Variants in SLC2A2 observed in about 807,000 individuals in gnomAD.
SLC2A2 encodes solute carrier family 2, facilitated glucose transporter member 2.
Under a neutral mutation model 54.5 loss-of-function variants are expected in SLC2A2, and 36 were observed. The ratio of observed to expected loss-of-function variants is 0.66; its 90% CI spans 0.51 to 0.87. The LOEUF (loss-of-function observed/expected upper bound fraction) is 0.87. Ranked by LOEUF, SLC2A2 falls within the 40% of genes least tolerant of loss-of-function variation. The pLI, the probability that SLC2A2 is intolerant of heterozygous loss-of-function variation, is 0.00. For missense variants in SLC2A2, 543 were observed against 624.3 expected (o/e 0.87, Z 1.39); for synonymous variants, 223 against 219.1 (o/e 1.02, Z -0.16).
chr3:171,012,169 T>C (rs550291450), intron 3 of SLC2A2, among the ~76,000 whole-genome samples: 1 of 152,332 alleles, frequency 6.6e-6, no homozygotes, highest in Admixed American at 6.5e-5. Context: ...GTTTGCTTAA[T>C]AAATGTCAGG....
intron 2 of SLC2A2, among the ~76,000 whole-genome samples, chr3:171,016,329 G>A (rs1560040704): frequency 6.6e-6 from 1 of 152,136 alleles, no homozygotes; most frequent in Non-Finnish European, 1.5e-5. Context: ...TCAGCTACTT[G>A]GGAGGCTGAG....
At chr3:171,019,235 A>G (rs1019444082) in intron 1 of SLC2A2, among the ~76,000 whole-genome samples, 2 of 151,014 alleles carry the variant, frequency 1.3e-5, no homozygotes, top group African/African-American at 4.9e-5. Flanking sequence ...TAGAGCCATT[A>G]TATCATTGGG....
chr3:170,998,652 C>T (rs1715207558), intron 9 of SLC2A2, among the ~76,000 whole-genome samples: 1 of 152,166 alleles, frequency 6.6e-6, no homozygotes, highest in Admixed American at 6.5e-5. Context: ...GTGACCTTTG[C>T]TTCTGCTCAT....
At chr3:171,000,794 GTGCATATTTCTATT>G (rs1220229598) in intron 8 of SLC2A2, among the ~76,000 whole-genome samples, 1 of 152,076 alleles carries the variant, frequency 6.6e-6, no homozygotes, top group Non-Finnish European at 1.5e-5. Flanking sequence ...AATATATTCA[GTGCATATTTCTATT>G]TGCATATTTT....
intron 6 of SLC2A2, 37 bp from the exon 7 acceptor site, chr3:171,005,509 C>T (rs2108243608): frequency 6.5e-7 from 1 of 1,549,456 alleles, no homozygotes; most frequent in Non-Finnish European, 8.9e-7. Context: ...ACAACTCAGG[C>T]CAAAACAAAA....
At chr3:171,020,703 C>G (rs1048190709) in intron 1 of SLC2A2, among the ~76,000 whole-genome samples, 11 of 151,752 alleles carry the variant, frequency 7.2e-5, no homozygotes, top group African/African-American at 2.7e-4. Flanking sequence ...GGTAGCATAG[C>G]AAGACCTTGT....
At chr3:171,024,248 T>C (rs559770985) in intron 1 of SLC2A2, among the ~76,000 whole-genome samples, 8 of 152,346 alleles carry the variant, frequency 5.3e-5, no homozygotes, top group African/African-American at 1.9e-4. Context: ...ATCATGTCTT[T>C]ATCATCTCAT....
At chr3:171,009,160 A>G (rs778453996) in intron 4 of SLC2A2, among the ~76,000 whole-genome samples, 1 of 152,092 alleles carries the variant, frequency 6.6e-6, no homozygotes, top group African/African-American at 2.4e-5. Flanking sequence ...AGATTTAGCC[A>G]TTTGTTTTAG....
intron 4 of SLC2A2, 58 bp downstream of exon 4, chr3:171,009,900 C>T: frequency 6.5e-7 from 1 of 1,528,444 alleles, no homozygotes; most frequent in Non-Finnish European, 8.8e-7. Context: ...GAGTTACTTT[C>T]AGACAAAGGT....
At chr3:171,007,026 A>C in intron 5 of SLC2A2, 122 bp downstream of exon 5, 1 of 716,476 alleles carries the variant, frequency 1.4e-6, no homozygotes, top group Non-Finnish European at 2.6e-6. Flanking sequence ...GAGAATGGAC[A>C]GTCAGGGAGG....
Position 171,001,932 on chromosome 3 carries a change from T to C in SLC2A2, c.1068+644A>G, listed in dbSNP as rs867287448. Among the ~76,000 whole-genome samples, 3 of 151,866 alleles carry C rather than the reference T, an allele frequency of 2.0e-5. No homozygotes were observed. In the South Asian group the frequency reaches 6.2e-4, roughly 32 times the overall value. ...AAGAAGAGTATATGACTTTTTTTTT[T>C]GTTGGAAGAAAACAATAACATTTCT... On this transcript the variant is annotated intron_variant, in intron 8 of 10. Coordinates refer to ENST00000314251, the MANE Select transcript of SLC2A2 (RefSeq NM_000340.2).
intron 5 of SLC2A2, 122 bp downstream of exon 5, chr3:171,007,026 A>G (rs559755901): frequency 1.4e-6 from 1 of 716,358 alleles, no homozygotes; most frequent in East Asian, 2.7e-5. Context: ...GAGAATGGAC[A>G]GTCAGGGAGG....
chr3:171,001,983 T>A (rs1328839702), intron 8 of SLC2A2, among the ~76,000 whole-genome samples: 1 of 151,888 alleles, frequency 6.6e-6, no homozygotes. Context: ...TCCCTCATAA[T>A]CTCACACATA....
chr3:171,000,703 T>A (rs1366696338), intron 8 of SLC2A2, among the ~76,000 whole-genome samples: 1 of 151,712 alleles, frequency 6.6e-6, no homozygotes. Context: ...AAATATAGGA[T>A]GTGGAACACA....
At position 171,014,649 on chromosome 3, in the gene SLC2A2, G is replaced by C. The variant is rs1354126805; in HGVS notation, c.191C>G (p.Thr64Arg). The change falls in exon 3 of 11, where the codon ACA becomes AGA. Residue 64 changes from threonine (T) to arginine (R), a missense_variant. By Grantham distance (71) the Thr-to-Arg change is moderately conservative. Transcript: ENST00000314251. ...GTATGAGATTGTGGGCAGTTCATCT[G>C]TACTGTTGATAACATAGTTGTTGAT... Reference protein sequence around the residue: ...KAINNYVINSTDELPTISYSM... With the variant: ...KAINNYVINSRDELPTISYSM... 1 of 1,613,904 alleles carries C rather than the reference G, an allele frequency of 6.2e-7. No individual in the cohort carries two copies. The highest frequency in any genetic ancestry group is 2.2e-5 in the East Asian group (1 of 44,890).
At chr3:171,008,239 A>C (rs146362055) in intron 4 of SLC2A2, among the ~76,000 whole-genome samples, 1 of 152,242 alleles carries the variant, frequency 6.6e-6, no homozygotes, top group South Asian at 2.1e-4. Flanking sequence ...TTAATGCTTC[A>C]AATTGTTCTT....
In SLC2A2 at chr3:171,015,500, A is replaced by C. The variant is rs1000252316; in HGVS notation, c.109-769T>G. Among the ~76,000 whole-genome samples, 4 of 152,192 alleles carry C rather than the reference A, an allele frequency of 2.6e-5. No homozygotes were observed. The South Asian group carries it at 6.2e-4, about 24-fold the overall frequency. ...AAATATATATATTCTGCAGGCTAAA[A>C]AGATACATTTTCATGCTAGTGTTAC... On this transcript the variant is annotated intron_variant, in intron 2 of 10. Transcript: ENST00000314251.
At chr3:171,009,647 A>G (rs984334535) in intron 4 of SLC2A2, among the ~76,000 whole-genome samples, 34 of 152,122 alleles carry the variant, frequency 2.2e-4, no homozygotes, top group African/African-American at 7.7e-4. Context: ...TATAAGGTAG[A>G]TATTATTATC....
chr3:171,013,564 ATTATAAT>A (rs1434798795), intron 3 of SLC2A2, among the ~76,000 whole-genome samples: 1 of 152,166 alleles, frequency 6.6e-6, no homozygotes, highest in Non-Finnish European at 1.5e-5. Flanking sequence ...AGAGCTAAAA[ATTATAAT>A]TTATAATAGG....
Sources: allele counts gnomAD v4.1 joint callset (sites outside exome capture counted in the v4.1 genomes callset), GRCh38; gene constraint gnomAD v4.1.1; transcripts MANE v1.5; gene names NCBI Gene and HGNC (gene_info 2026-07-23, HGNC 2026-07-21).